The following TMEM231 variants were observed in gnomAD, a reference collection of about 807,000 sequenced individuals.
The protein encoded by TMEM231 is transmembrane protein 231.
Under a neutral mutation model 38.5 loss-of-function variants are expected in TMEM231, and 40 were observed. The observed-to-expected ratio is 1.04, with a 90% confidence interval of 0.81 to 1.35. The LOEUF (loss-of-function observed/expected upper bound fraction) is 1.35. Among genes scored for constraint, TMEM231 ranks in the 40% most tolerant of loss-of-function variants. The pLI is 0.00. For synonymous variants in TMEM231, 199 were observed against 181.7 expected (o/e 1.10, Z -0.77); for missense variants, 420 against 416.9 (o/e 1.01, Z -0.07).
chr16:75,550,770 T>C (rs958373547), intron 2 of TMEM231, among the ~76,000 whole-genome samples: 26 of 151,160 alleles, frequency 1.7e-4, no homozygotes, highest in African/African-American at 6.3e-4. Context: ...GGTTGGAGTA[T>C]GGGTGGTGCA....
At chr16:75,544,308 A>G (rs1019603447) in intron 4 of TMEM231, among the ~76,000 whole-genome samples, 1 of 152,188 alleles carries the variant, frequency 6.6e-6, no homozygotes, top group African/African-American at 2.4e-5. Flanking sequence ...AGGGGCTGCT[A>G]CTGTAGAAGC....
At chr16:75,544,671 T>C (rs555307126) in intron 4 of TMEM231, among the ~76,000 whole-genome samples, 1 of 152,300 alleles carries the variant, frequency 6.6e-6, no homozygotes, top group South Asian at 2.1e-4. Flanking sequence ...TACATGAACA[T>C]TTTACATCAT....
chr16:75,540,122 T>C lies in TMEM231; in HGVS notation c.823A>G (p.Ser275Gly), dbSNP rs781046083. The C allele has an allele frequency of 2.5e-6, 4 of 1,613,756 alleles. No individual in the cohort carries two copies. The Admixed American group carries it at 6.7e-5, about 27-fold the overall frequency. Residue 275 changes from serine (S) to glycine (G), a missense_variant, in exon 7 of 7, where the codon AGC becomes GGC. Physicochemically the swap from Ser to Gly is moderately conservative, Grantham distance 56 (BLOSUM62 0). Coordinates refer to ENST00000258173, the MANE Select transcript of TMEM231 (RefSeq NM_001077418.3). ...ACCCAGAGGAAGATAAGCAGGATGCTGACATACTGCACCCAGGCGAACTTT... is the reference window on the plus strand; with the variant it reads ...ACCCAGAGGAAGATAAGCAGGATGCCGACATACTGCACCCAGGCGAACTTT... Reference protein sequence around the residue: ...MVKFAWVQYVSILLIFLWVFE... With the variant: ...MVKFAWVQYVGILLIFLWVFE...
intron 5 of TMEM231, 176 bp downstream of exon 5, chr16:75,542,425 AG>A (rs2080637514): frequency 6.3e-6 from 4 of 634,358 alleles, no homozygotes; most frequent in Non-Finnish European, 1.1e-5. Flanking sequence ...GGGCGGTCCC[AG>A]GTCTGAAGAT....
rs364229 is a variant in TMEM231 at position 75,539,008 on chromosome 16, G to T, written c.*986C>A. ...CCCGCCCCACTCTGATGGGCACCCT[G>T]TTCCTTAGTCAAGGGAAACGCCAGC... is the stretch of plus-strand genomic sequence containing the variant. On this transcript the variant is annotated 3_prime_UTR_variant, in exon 7 of 7. Coordinates refer to ENST00000258173, the MANE Select transcript of TMEM231 (RefSeq NM_001077418.3). 0.081 allele frequency: 12,383 copies of T among 152,120 alleles called. 578 individuals are homozygous for T. The highest frequency in any genetic ancestry group is 0.13 in the African/African-American group (5,200 of 41,422). 9.4% of individuals were successfully genotyped at this position (152,120 alleles called of 1,614,324 possible).
intron 4 of TMEM231, among the ~76,000 whole-genome samples, 151 bp from the exon 5 acceptor site, chr16:75,542,834 A>G (rs1399189488): frequency 3.4e-5 from 5 of 149,252 alleles, no homozygotes; most frequent in Admixed American, 2.0e-4. Context: ...TCAAAGATGA[A>G]TAAAACAGGC....
At position 75,555,772 on chromosome 16, in the gene TMEM231, C is replaced by T. The variant is rs79691355; in HGVS notation, c.309+32G>A. On this transcript the variant is annotated intron_variant, in intron 2 of 6. Transcript: ENST00000258173. ...GTCCCCATCCCCACCCTATCCCCGA[C>T]TCTGCCCCAGGCCCAGGCGGGAACC... 2.3e-3 allele frequency: 3,432 copies of T among 1,486,762 alleles called. 79 individuals carry two copies. The African/African-American group carries it at 0.041, about 18-fold the overall frequency. The allele number at this position is 1,486,762 out of a possible 1,614,324, so 92.1% of individuals were successfully genotyped here.
In TMEM231 at chr16:75,544,591, C is replaced by T. The variant is rs570042685; in HGVS notation, c.582+761G>A. Among the ~76,000 whole-genome samples, 15 of 152,268 alleles carry T rather than the reference C, an allele frequency of 9.9e-5. No individual in the cohort carries two copies. The East Asian group carries it at 1.7e-3, about 18-fold the overall frequency. On this transcript the variant is annotated intron_variant, in intron 4 of 6. Coordinates refer to ENST00000258173, the MANE Select transcript of TMEM231 (RefSeq NM_001077418.3). Reference sequence around the variant, plus strand: ...GATTAAAGGAGATGATATAGGTAAACGCCTGCACTCAGGGGTGGCATATGT... The same window carrying T: ...GATTAAAGGAGATGATATAGGTAAATGCCTGCACTCAGGGGTGGCATATGT...
intron 2 of TMEM231, among the ~76,000 whole-genome samples, chr16:75,546,557 C>T (rs2080694890): frequency 6.6e-6 from 1 of 152,148 alleles, no homozygotes; most frequent in South Asian, 2.1e-4. Flanking sequence ...ATTGTCCTGC[C>T]TCAGCCTCCT....
chr16:75,548,898 T>G (rs756451551), intron 2 of TMEM231, among the ~76,000 whole-genome samples: 1 of 151,762 alleles, frequency 6.6e-6, no homozygotes, highest in Non-Finnish European at 1.5e-5. Flanking sequence ...CAAAAAGAAT[T>G]TAACAGAAAT....
At chr16:75,556,272 C>A, upstream of TMEM231, 2 of 1,386,814 alleles carry the variant, frequency 1.4e-6, no homozygotes, top group East Asian at 2.9e-5. Flanking sequence ...TGGTTGCCAT[C>A]GCCTCGGTCT....
intron 5 of TMEM231, 23 bp downstream of exon 5, chr16:75,542,579 A>C: frequency 6.2e-7 from 1 of 1,609,224 alleles, no homozygotes; most frequent in Non-Finnish European, 8.5e-7. Flanking sequence ...GCAGCGGCTG[A>C]ATGGGCTCTA....
chr16:75,546,372 A>G (rs1340502153), intron 2 of TMEM231, among the ~76,000 whole-genome samples: 1 of 152,216 alleles, frequency 6.6e-6, no homozygotes, highest in African/African-American at 2.4e-5. Flanking sequence ...TAAAATAGAA[A>G]AACACCTAAT....
chr16:75,542,458 TG>T, intron 5 of TMEM231, 143 bp downstream of exon 5: 1 of 786,002 alleles, frequency 1.3e-6, no homozygotes, highest in Non-Finnish European at 2.2e-6. Flanking sequence ...AGACAAATCC[TG>T]GACAGCATAT....
chr16:75,550,301 C>T (rs1451151413), intron 2 of TMEM231, among the ~76,000 whole-genome samples: 1 of 152,248 alleles, frequency 6.6e-6, no homozygotes, highest in African/African-American at 2.4e-5. Flanking sequence ...GTAGGAGAGG[C>T]GTCCTGCTCC....
At chr16:75,540,286 G>A (rs1351009980) in intron 6 of TMEM231, 112 bp from the exon 7 acceptor site, 6 of 1,045,360 alleles carry the variant, frequency 5.7e-6, no homozygotes, top group African/African-American at 1.6e-5. Context: ...CCTCTGTCAT[G>A]TACACACCCA....
chr16:75,548,944 C>T (rs1257547987), intron 2 of TMEM231, among the ~76,000 whole-genome samples: 1 of 152,052 alleles, frequency 6.6e-6, no homozygotes, highest in Non-Finnish European at 1.5e-5. Context: ...TTGTTGGAGT[C>T]CTGAAGGAAG....
chr16:75,538,563 A>G lies in TMEM231; in HGVS notation c.*1431T>C, dbSNP rs1567432935. On this transcript the variant is annotated 3_prime_UTR_variant, in exon 7 of 7. Coordinates refer to ENST00000258173, the MANE Select transcript of TMEM231 (RefSeq NM_001077418.3). ...TGTTAGGGAATTCCTCTGCTTGAATACTTCAAAATAGCTTTGTTTCCAAAA... is the reference window on the plus strand; with the variant it reads ...TGTTAGGGAATTCCTCTGCTTGAATGCTTCAAAATAGCTTTGTTTCCAAAA... 9 of 152,324 alleles carry G rather than the reference A, an allele frequency of 5.9e-5. No homozygotes were observed. In the South Asian group the frequency reaches 1.9e-3, roughly 32 times the overall value. 9.4% of individuals were successfully genotyped at this position (152,324 alleles called of 1,614,324 possible).
At chr16:75,551,554 A>G (rs768237863) in intron 2 of TMEM231, among the ~76,000 whole-genome samples, 46 of 152,342 alleles carry the variant, frequency 3.0e-4, no homozygotes, top group African/African-American at 1.0e-3. Context: ...ATAAAAGAAA[A>G]ACATTTCCAA....
Sources: gnomAD v4.1 joint callset for allele counts (sites outside exome capture counted in the v4.1 genomes callset) on GRCh38, gnomAD v4.1.1 for gene constraint, MANE v1.5 for transcripts, NCBI Gene and HGNC (gene_info 2026-07-23, HGNC 2026-07-21) for gene names.